The following LRMDA variants were observed in gnomAD, a reference collection of about 807,000 sequenced individuals.
The protein encoded by LRMDA is leucine-rich melanocyte differentiation-associated protein.
Under a neutral mutation model 29.8 loss-of-function variants are expected in LRMDA, and 18 were observed. The observed-to-expected ratio is 0.60, with a 90% confidence interval of 0.42 to 0.90. LRMDA has a LOEUF of 0.90. Ranked by LOEUF, LRMDA falls within the 40% of genes least tolerant of loss-of-function variation. The probability of loss-of-function intolerance (pLI) is 0.00; values close to 1 mark genes in which losing one functional copy is unlikely to be tolerated. For missense variants in LRMDA, 273 were observed against 273.9 expected (o/e 1.00, Z 0.02); for synonymous variants, 125 against 109.4 (o/e 1.14, Z -0.89).
chr10:76,078,127 C>T (rs1401855480), intron 5 of LRMDA, among the ~76,000 whole-genome samples: 1 of 149,326 alleles, frequency 6.7e-6, no homozygotes, highest in Non-Finnish European at 1.5e-5. Flanking sequence ...TCTCCTGCCT[C>T]AGCCTCCCAA....
At chr10:76,268,198 C>T (rs902078014) in intron 5 of LRMDA, among the ~76,000 whole-genome samples, 1 of 152,184 alleles carries the variant, frequency 6.6e-6, no homozygotes, top group Admixed American at 6.5e-5. Flanking sequence ...AACCCTAACC[C>T]TGGGAGTCAA....
intron 6 of LRMDA, among the ~76,000 whole-genome samples, chr10:76,519,474 C>T (rs1051796487): frequency 1.3e-5 from 2 of 152,144 alleles, no homozygotes; most frequent in African/African-American, 4.8e-5. Context: ...TAAATTTTCC[C>T]TTCCATCCAG....
At chr10:76,077,331 G>T (rs1848976378) in intron 5 of LRMDA, among the ~76,000 whole-genome samples, 1 of 152,176 alleles carries the variant, frequency 6.6e-6, no homozygotes, top group African/African-American at 2.4e-5. Context: ...TTTCTAGAGG[G>T]CTGAAATTTT....
intron 2 of LRMDA, among the ~76,000 whole-genome samples, chr10:75,610,147 A>G (rs1169222456): frequency 6.6e-6 from 1 of 152,226 alleles, no homozygotes; most frequent in Non-Finnish European, 1.5e-5. Flanking sequence ...TTGCCATTGT[A>G]ACCATTTGAA....
At chr10:75,466,918 A>C (rs1844658388) in intron 2 of LRMDA, among the ~76,000 whole-genome samples, 2 of 152,100 alleles carry the variant, frequency 1.3e-5, no homozygotes, top group African/African-American at 4.8e-5. Flanking sequence ...CCCCAAACTC[A>C]AATAGGTTTA....
chr10:76,335,497 A>G (rs1840955956), intron 6 of LRMDA, among the ~76,000 whole-genome samples: 1 of 152,186 alleles, frequency 6.6e-6, no homozygotes, highest in Admixed American at 6.5e-5. Context: ...TTATTTTGCA[A>G]AGACTTAAGG....
At chr10:75,714,592 G>A (rs947295821) in intron 2 of LRMDA, among the ~76,000 whole-genome samples, 1 of 152,172 alleles carries the variant, frequency 6.6e-6, no homozygotes, top group African/African-American at 2.4e-5. Flanking sequence ...ATGGAAACTT[G>A]GGGTATCCCC....
At chr10:75,982,355 T>A in intron 2 of LRMDA, among the ~76,000 whole-genome samples, 1 of 152,116 alleles carries the variant, frequency 6.6e-6, no homozygotes. Context: ...GCCTAGTGGG[T>A]GATATGGTTG....
At chr10:76,436,933 ACCTGAG>A (rs1264352463) in intron 6 of LRMDA, among the ~76,000 whole-genome samples, 1 of 152,058 alleles carries the variant, frequency 6.6e-6, no homozygotes, top group Non-Finnish European at 1.5e-5. Flanking sequence ...CCCTCCACCT[ACCTGAG>A]CTGCCAGTCC....
chr10:75,490,434 T>A (rs79570878), intron 2 of LRMDA, among the ~76,000 whole-genome samples: 1,637 of 152,292 alleles, frequency 0.011, 34 homozygotes, highest in African/African-American at 0.038. Context: ...TTCTAGAATG[T>A]CAGCTTCTTT....
chr10:75,973,905 A>C (rs1416087310), intron 2 of LRMDA, among the ~76,000 whole-genome samples: 3 of 152,142 alleles, frequency 2.0e-5, no homozygotes, highest in Non-Finnish European at 4.4e-5. Flanking sequence ...AATCTCTACA[A>C]AAGGGGCCCC....
At chr10:76,422,867 A>G (rs758063606) in intron 6 of LRMDA, among the ~76,000 whole-genome samples, 1 of 152,140 alleles carries the variant, frequency 6.6e-6, no homozygotes, top group Non-Finnish European at 1.5e-5. Flanking sequence ...GTTCTTTCCA[A>G]TGGATTTATA....
intron 2 of LRMDA, among the ~76,000 whole-genome samples, chr10:75,635,526 T>A (rs1020521708): frequency 6.6e-6 from 1 of 152,184 alleles, no homozygotes; most frequent in African/African-American, 2.4e-5. Flanking sequence ...CTTAAAAACA[T>A]GTACCAGGAG....
At chr10:75,754,188 C>T (rs1378797981) in intron 2 of LRMDA, among the ~76,000 whole-genome samples, 1 of 152,128 alleles carries the variant, frequency 6.6e-6, no homozygotes, top group Admixed American at 6.5e-5. Flanking sequence ...ACCTGCATTC[C>T]TCATGCTGTG....
At chr10:75,605,812 T>C (rs1490721353) in intron 2 of LRMDA, among the ~76,000 whole-genome samples, 2 of 152,164 alleles carry the variant, frequency 1.3e-5, no homozygotes, top group East Asian at 1.9e-4. Context: ...TGGCAGCGGC[T>C]GGGAACTGAG....
At chr10:76,144,618 C>T (rs1405647859) in intron 5 of LRMDA, among the ~76,000 whole-genome samples, 3 of 152,080 alleles carry the variant, frequency 2.0e-5, no homozygotes, top group African/African-American at 2.4e-5. Context: ...TTTCTAGATA[C>T]ACAATCATGT....
At chr10:76,552,734 C>A (rs1341071566) in intron 6 of LRMDA, among the ~76,000 whole-genome samples, 1 of 152,176 alleles carries the variant, frequency 6.6e-6, no homozygotes, top group African/African-American at 2.4e-5. Context: ...TCCCCCACTT[C>A]CCCTTACTAA....
chr10:75,760,688 A>G (rs1308826120), intron 2 of LRMDA, among the ~76,000 whole-genome samples: 1 of 152,180 alleles, frequency 6.6e-6, no homozygotes, highest in Non-Finnish European at 1.5e-5. Context: ...CACTGCAGGC[A>G]GGGTGGATAG....
intron 2 of LRMDA, among the ~76,000 whole-genome samples, chr10:75,533,829 T>C (rs1157311931): frequency 2.0e-5 from 3 of 152,112 alleles, no homozygotes; most frequent in Non-Finnish European, 2.9e-5. Context: ...GAGTAACAAT[T>C]AATTGCACCT....
Sources: allele counts gnomAD v4.1 joint callset (sites outside exome capture counted in the v4.1 genomes callset), GRCh38; gene constraint gnomAD v4.1.1; transcripts MANE v1.5; gene names NCBI Gene and HGNC (gene_info 2026-07-23, HGNC 2026-07-21).